BTNL9: variants seen among roughly 807,000 people sequenced by gnomAD.
The protein encoded by BTNL9 is butyrophilin-like protein 9.
BTNL9 carries 45 observed loss-of-function variants against 45.8 expected under a neutral mutation model. The observed-to-expected ratio is 0.98, with a 90% CI of 0.77 to 1.26. BTNL9 has a LOEUF of 1.26. Among genes scored for constraint, BTNL9 ranks in the 50% most tolerant of loss-of-function variants. The pLI is 0.00. For missense variants in BTNL9, 784 were observed against 729.7 expected (o/e 1.07, Z -0.86); for synonymous variants, 346 against 330.8 (o/e 1.05, Z -0.50).
In BTNL9 at chr5:181,047,942, G is replaced by C. The variant is rs918596890; in HGVS notation, c.125G>C (p.Gly42Ala). ...GTCATCCTAGAGGTCAAGGTGCTAG[G>C]CCCTGAGTATCCCATCCTGGCCCTC... Reference protein sequence around the residue: ...GEPSSEVKVLGPEYPILALVG... With the variant: ...GEPSSEVKVLAPEYPILALVG... The change falls in exon 3 of 11, where the codon GGC becomes GCC. Residue 42 changes from glycine to alanine, a missense_variant. By Grantham distance (60) the Gly-to-Ala change is moderately conservative. Coordinates refer to ENST00000327705, the MANE Select transcript of BTNL9 (RefSeq NM_152547.5). 1.9e-6 allele frequency: 3 copies of C among 1,613,648 alleles called. No individual in the cohort carries two copies. The African/African-American group carries it at 4.0e-5, about 22-fold the overall frequency.
Position 181,055,154 on chromosome 5 carries a change from A to G in BTNL9, c.908-279A>G. ...ATTTCAGGCAGAAGGAACAACCCCA[A>G]CCCTGGGAAGAGGCCTGTCAGTACT... On this transcript the variant is annotated intron_variant, in intron 7 of 10. Coordinates refer to ENST00000327705, the MANE Select transcript of BTNL9 (RefSeq NM_152547.5). The surrounding 1 kb of genome is among the most constrained non-coding windows in gnomAD (Gnocchi z 4.4). The G allele has an allele frequency of 8.0e-7, 1 of 1,256,840 alleles. No individual in the cohort carries two copies. Among genetic ancestry groups the G allele is most frequent in the Non-Finnish European group, 1.0e-6 (1 of 998,026 alleles). 77.9% of individuals were successfully genotyped at this position (1,256,840 alleles called of 1,614,324 possible).
At position 181,060,130 on chromosome 5, in the gene BTNL9, C is replaced by A; in HGVS notation, c.*268C>A. On this transcript the variant is annotated 3_prime_UTR_variant, in exon 11 of 11. Coordinates refer to ENST00000327705, the MANE Select transcript of BTNL9 (RefSeq NM_152547.5). Reference sequence around the variant, plus strand: ...ACGTCGCTCAGAGCTGGGGTGCTCACGGTGGGCGGTGGGCAAGAAGCCAGC... The same window carrying A: ...ACGTCGCTCAGAGCTGGGGTGCTCAAGGTGGGCGGTGGGCAAGAAGCCAGC... 2.3e-6 allele frequency: 1 copy of A among 429,430 alleles called. No homozygotes were observed. The highest frequency in any genetic ancestry group is 4.1e-6 in the Non-Finnish European group (1 of 244,924). The allele number at this position is 429,430 out of a possible 1,614,324, so 26.6% of individuals were successfully genotyped here. A position where few individuals can be genotyped will look rare whatever the true frequency, so the allele number is the denominator to read the frequency against.
At chr5:181,056,443 G>A (rs1423735507) in intron 9 of BTNL9, 2 of 677,610 alleles carry the variant, frequency 3.0e-6, no homozygotes, top group African/African-American at 3.5e-5. Context: ...TTATGGTTCT[G>A]TGATGTTCCT....
rs745992580 is a variant in BTNL9 at position 181,047,988 on chromosome 5, C to G, written c.171C>G (p.Phe57Leu). The G allele has an allele frequency of 1.2e-6, 2 of 1,613,820 alleles. No homozygotes were observed. Among genetic ancestry groups the G allele is most frequent in the South Asian group, 2.2e-5 (2 of 91,078 alleles). The stretch of plus-strand genomic sequence containing the variant: ...CCCTCGTCGGGGAGGAGGTGGAGTT[C>G]CCGTGCCACCTATGGCCACAGCTGG... Reference protein sequence around the residue: ...ILALVGEEVEFPCHLWPQLDA... With the variant: ...ILALVGEEVELPCHLWPQLDA... Residue 57 changes from phenylalanine to leucine, a missense_variant, in exon 3 of 11, where the codon TTC becomes TTG. Physicochemically the swap from Phe to Leu is conservative, Grantham distance 22. Transcript: ENST00000327705.
At chr5:181,041,248 C>T (rs1373086779) in intron 1 of BTNL9, among the ~76,000 whole-genome samples, 1 of 152,220 alleles carries the variant, frequency 6.6e-6, no homozygotes, top group Non-Finnish European at 1.5e-5. Flanking sequence ...GCGAGGGACT[C>T]CTGTGGGAGG....
rs1454304279 is a variant in BTNL9, at chr5:181,053,975, G to T, written c.887-264G>T. 24 of 1,531,534 alleles carry T rather than the reference G, an allele frequency of 1.6e-5. No homozygotes were observed. Among genetic ancestry groups the T allele is most frequent in the Non-Finnish European group, 2.1e-5 (24 of 1,143,424 alleles). The allele number at this position is 1,531,534 out of a possible 1,614,324, so 94.9% of individuals were successfully genotyped here. On this transcript the variant is annotated intron_variant, in intron 6 of 10. Transcript: ENST00000327705. This position sits in a 1 kb window ranked among gnomAD's most constrained non-coding sequence, Gnocchi z 6.5. ...GTTTCCGCCGAGCTAATAGATTTGG[G>T]AGGCTCCGACCCTGATTTTCACACT...
Position 181,059,561 on chromosome 5 carries a change from A to ACCGCGTCGCGCTCACCCTGCGCGTGCCC in BTNL9, c.1313_1340dup (p.Leu449AlafsTer69). 1 of 1,611,234 alleles carries ACCGCGTCGCGCTCACCCTGCGCGTGCCC rather than the reference A, an allele frequency of 6.2e-7. No individual in the cohort carries two copies. The highest frequency in any genetic ancestry group is 8.5e-7 in the Non-Finnish European group (1 of 1,179,434). ...TGCGAGTACTTCGTCCTGGCCCCGC[A>ACCGCGTCGCGCTCACCCTGCGCGTGCCC]CCGCGTCGCGCTCACCCTGCGCGTG... On this transcript the variant is annotated frameshift_variant, in exon 11 of 11. Transcript: ENST00000327705. LOFTEE classifies it low-confidence loss of function (END_TRUNC).
At position 181,056,644 on chromosome 5, in the gene BTNL9, G is replaced by A. The variant is rs767081559; in HGVS notation, c.955+629G>A. The A allele has an allele frequency of 3.8e-5, 27 of 716,948 alleles. 1 individual carries two copies. In the South Asian group the frequency reaches 3.9e-4, roughly 10 times the overall value. The allele number at this position is 716,948 out of a possible 1,614,324, so 44.4% of individuals were successfully genotyped here. On this transcript the variant is annotated intron_variant, in intron 9 of 10. Transcript: ENST00000327705. ...CTCAAACGTGTTGCCTTACGGCGCTGTGTGGAGATTTCTCTGGGGTATATA... is the reference window on the plus strand; with the variant it reads ...CTCAAACGTGTTGCCTTACGGCGCTATGTGGAGATTTCTCTGGGGTATATA...
chr5:181,059,841 C>T lies in BTNL9; in HGVS notation c.1587C>T (p.Asp529=), dbSNP rs10054109. Residue 529 remains aspartate, a synonymous_variant, in exon 11 of 11, where the codon GAC becomes GAT. Transcript: ENST00000327705. The part of the protein sequence containing the change: ...DTWLQPYEPA[D]PALDWW ...GGCTACAGCCCTATGAGCCCGCGGA[C>T]CCCGCCCTGGACTGGTGGTGAGGCG... 741,454 of 1,580,046 alleles carry T rather than the reference C, an allele frequency of 0.47. 176,313 individuals carry two copies. Among genetic ancestry groups the T allele is most frequent in the East Asian group, 0.57 (25,157 of 43,928 alleles).
chr5:181,048,844 G>GTTATATAATATTATATAATTATATTAT, intron 3 of BTNL9, among the ~76,000 whole-genome samples: 2 of 131,650 alleles, frequency 1.5e-5, no homozygotes, highest in Non-Finnish European at 3.2e-5. Flanking sequence ...AATTATATTA[G>GTTATATAATATTATATAATTATATTAT]TTATATAATA....
rs1260636943 is a variant in BTNL9, at chr5:181,045,616, T to C, written c.109+18T>C. The C allele has an allele frequency of 8.2e-6, 13 of 1,593,014 alleles. No individual in the cohort carries two copies. Among genetic ancestry groups the C allele is most frequent in the South Asian group, 1.1e-5 (1 of 90,724 alleles). ...GAGCTCAGGTATTGTGTCTGCAGCC[T>C]AGCTGGCCAGGATGTGAACGCCACC... is the stretch of plus-strand genomic sequence containing the variant. On this transcript the variant is annotated intron_variant, in intron 2 of 10. Transcript: ENST00000327705.
rs1475182964 is a variant in BTNL9, at chr5:181,059,480, G to A, written c.1226G>A (p.Gly409Glu). The change falls in exon 11 of 11, where the codon GGG becomes GAG. Residue 409 changes from glycine to glutamate, a missense_variant. Physicochemically the swap from Gly to Glu is moderately conservative, Grantham distance 98. Coordinates refer to ENST00000327705, the MANE Select transcript of BTNL9 (RefSeq NM_152547.5). The stretch of plus-strand genomic sequence containing the variant: ...TGCCTGGCCGCGGTGCCGCGCGCGG[G>A]GCCTGCGCGCCTGAGCCCTGCGGCC... ...GACLAAVPRA[G>E]PARLSPAAGY... 34 of 1,474,924 alleles carry A rather than the reference G, an allele frequency of 2.3e-5. No homozygotes were observed. Among genetic ancestry groups the A allele is most frequent in the Non-Finnish European group, 2.9e-5 (33 of 1,119,622 alleles). The allele number at this position is 1,474,924 out of a possible 1,614,324, so 91.4% of individuals were successfully genotyped here.
At chr5:181,041,515 A>G (rs999948830) in intron 1 of BTNL9, among the ~76,000 whole-genome samples, 16 of 152,200 alleles carry the variant, frequency 1.1e-4, no homozygotes, top group Admixed American at 5.2e-4. Context: ...CTTTGCTGAA[A>G]GTTGGAGAAA....
chr5:181,061,450 C>A lies in BTNL9; in HGVS notation c.*1588C>A. 6.6e-6 allele frequency: 1 copy of A among 152,168 alleles called. No homozygotes were observed. Among genetic ancestry groups the A allele is most frequent in the Middle Eastern group, 3.4e-3 (1 of 294 alleles). 9.4% of individuals were successfully genotyped at this position (152,168 alleles called of 1,614,324 possible). On this transcript the variant is annotated 3_prime_UTR_variant, in exon 11 of 11. Transcript: ENST00000327705. The stretch of plus-strand genomic sequence containing the variant: ...GGTAATTGCATTCTTAAAATGTCTT[C>A]TTTGTATTTTTTAATGTTCAATAAT...
At position 181,053,454 on chromosome 5, in the gene BTNL9, C is replaced by T. The variant is rs1487873206; in HGVS notation, c.854-15C>T. ...GGGCGCGCACTCAGCCCTCTCCGCT[C>T]CCGTTTCCCTTCAGAAAAGCTGAGG... On this transcript the variant is annotated splice_polypyrimidine_tract_variant and intron_variant, in intron 5 of 10. Transcript: ENST00000327705. The surrounding 1 kb of genome is among the most constrained non-coding windows in gnomAD (Gnocchi z 6.5). 3 of 1,566,100 alleles carry T rather than the reference C, an allele frequency of 1.9e-6. No individual in the cohort carries two copies. Among genetic ancestry groups the T allele is most frequent in the Non-Finnish European group, 1.7e-6 (2 of 1,155,984 alleles).
chr5:181,056,055 T>C, intron 9 of BTNL9, 40 bp downstream of exon 9: 1 of 1,611,180 alleles, frequency 6.2e-7, no homozygotes, highest in Non-Finnish European at 8.5e-7. Context: ...TCCTCATTTA[T>C]ATCTGAGCAC....
At position 181,059,285 on chromosome 5, in the gene BTNL9, C is replaced by T. The variant is rs1450820894; in HGVS notation, c.1031C>T (p.Ser344Leu). Residue 344 changes from serine (S) to leucine (L), a missense_variant, in exon 11 of 11, where the codon TCG becomes TTG. By Grantham distance (145) the Ser-to-Leu change is moderately radical. Transcript: ENST00000327705. ...TCGGCGCACCCCAGCCTGGAGGTGT[C>T]GGAGGATGGCAAGAGCGTGTCTTCC... ...PASAHPSLEV[S>L]EDGKSVSSRG... 1.7e-5 allele frequency: 27 copies of T among 1,572,108 alleles called. No individual in the cohort carries two copies. Among genetic ancestry groups the T allele is most frequent in the Non-Finnish European group, 2.3e-5 (27 of 1,167,104 alleles).
Position 181,059,571 on chromosome 5 carries a change from G to A in BTNL9, c.1317G>A (p.Ala439=), listed in dbSNP as rs756491974. Reference sequence around the variant, plus strand: ...TCGTCCTGGCCCCGCACCGCGTCGCGCTCACCCTGCGCGTGCCCCCGCGGC... The same window carrying A: ...TCGTCCTGGCCCCGCACCGCGTCGCACTCACCCTGCGCGTGCCCCCGCGGC... ...EYFVLAPHRV[A]LTLRVPPRRL... Residue 439 remains alanine, a synonymous_variant, in exon 11 of 11, where the codon GCG becomes GCA. Transcript: ENST00000327705. 11 of 1,611,984 alleles carry A rather than the reference G, an allele frequency of 6.8e-6. No homozygotes were observed. Among genetic ancestry groups the A allele is most frequent in the East Asian group, 2.2e-5 (1 of 44,860 alleles).
chr5:181,043,014 T>C (rs1337620362), intron 1 of BTNL9, among the ~76,000 whole-genome samples: 34 of 152,096 alleles, frequency 2.2e-4, no homozygotes, highest in Admixed American at 2.2e-3. Flanking sequence ...ACCCCACCAC[T>C]CACCCACTGT....
Sources: allele counts gnomAD v4.1 joint callset (sites outside exome capture counted in the v4.1 genomes callset), GRCh38; gene constraint gnomAD v4.1.1; non-coding constraint Gnocchi (gnomAD v3.1); transcripts MANE v1.5; gene names NCBI Gene and HGNC (gene_info 2026-07-23, HGNC 2026-07-21).